RBFOX1: variants seen among roughly 807,000 people sequenced by gnomAD.
The protein encoded by RBFOX1 is RNA binding fox-1 homolog 1.
Under a neutral mutation model 57.7 loss-of-function variants are expected in RBFOX1, and 8 were observed. The observed-to-expected ratio is 0.14, with a 90% CI of 0.08 to 0.25. The LOEUF is 0.25. Among genes scored for constraint, RBFOX1 ranks in the 10% least tolerant of loss-of-function variants. The pLI is 1.00. For synonymous variants in RBFOX1, 326 were observed against 222.4 expected (o/e 1.47, Z -4.15); for missense variants, 611 against 548.5 (o/e 1.11, Z -1.14).
chr16:7,589,491 C>G (rs915938292), intron 7 of RBFOX1, among the ~76,000 whole-genome samples: 2 of 151,758 alleles, frequency 1.3e-5, no homozygotes, highest in African/African-American at 2.4e-5. Context: ...CTTTGTGAAG[C>G]TGCCTTTTTT....
At chr16:6,523,842 C>G (rs1035594028) in intron 2 of RBFOX1, among the ~76,000 whole-genome samples, 2 of 152,162 alleles carry the variant, frequency 1.3e-5, no homozygotes, top group East Asian at 1.9e-4. Flanking sequence ...AAAAAATGTG[C>G]CTTGCTACCA....
chr16:6,270,285 T>C (rs934172633), intron 1 of RBFOX1, among the ~76,000 whole-genome samples: 2 of 151,990 alleles, frequency 1.3e-5, no homozygotes, highest in African/African-American at 2.4e-5. Flanking sequence ...TGTAAGAGAT[T>C]GTTAGAGTGG....
At chr16:6,128,335 A>G (rs1045450413) in intron 1 of RBFOX1, among the ~76,000 whole-genome samples, 1 of 152,194 alleles carries the variant, frequency 6.6e-6, no homozygotes, top group African/African-American at 2.4e-5. Flanking sequence ...TATTACTCTA[A>G]GAAGACTTCT....
chr16:6,645,510 C>A (rs1381992279), intron 2 of RBFOX1, among the ~76,000 whole-genome samples: 1 of 152,014 alleles, frequency 6.6e-6, no homozygotes, highest in Non-Finnish European at 1.5e-5. Flanking sequence ...CATGAATAAC[C>A]CTGACCTACA....
intron 3 of RBFOX1, among the ~76,000 whole-genome samples, chr16:6,914,093 G>C (rs536496316): frequency 6.6e-6 from 1 of 152,148 alleles, no homozygotes; most frequent in Non-Finnish European, 1.5e-5. Context: ...AATCTATCCA[G>C]TGCTAAAACA....
chr16:7,133,872 C>CA (rs1385342496), intron 4 of RBFOX1, among the ~76,000 whole-genome samples: 1 of 151,992 alleles, frequency 6.6e-6, no homozygotes, highest in Non-Finnish European at 1.5e-5. Context: ...ATGGCTAATC[C>CA]AAAAAATATA....
rs1480962032 is a variant in RBFOX1, at chr16:7,040,075, C to T, written c.-15-11982C>T. Among the ~76,000 whole-genome samples the T allele has an allele frequency of 2.6e-5, 4 of 151,744 alleles. No individual in the cohort carries two copies. In the East Asian group the frequency reaches 7.7e-4, roughly 29 times the overall value. ...CTTGCTCTGTCACCAGGTTGGAGTG[C>T]AGTGACATGATCTCAGCTCACTGCA... is the stretch of plus-strand genomic sequence containing the variant. On this transcript the variant is annotated intron_variant, in intron 3 of 15. Transcript: ENST00000550418.
intron 1 of RBFOX1, among the ~76,000 whole-genome samples, chr16:5,414,091 T>A (rs2067095855): frequency 6.6e-6 from 1 of 152,132 alleles, no homozygotes; most frequent in Admixed American, 6.5e-5. Flanking sequence ...CAACACTCAA[T>A]GATGAGATAA....
At chr16:5,873,185 C>T (rs1346117378) in intron 4 of RBFOX1, among the ~76,000 whole-genome samples, 2 of 152,006 alleles carry the variant, frequency 1.3e-5, no homozygotes, top group Non-Finnish European at 2.9e-5. Flanking sequence ...ACAACAACAA[C>T]AACAAAACAA....
chr16:6,153,738 G>T (rs757692900), intron 1 of RBFOX1, among the ~76,000 whole-genome samples: 5 of 152,110 alleles, frequency 3.3e-5, no homozygotes, highest in Non-Finnish European at 4.4e-5. Flanking sequence ...GTTTCACCAT[G>T]TTGGCCAGGC....
At chr16:7,040,241 G>A (rs963796387) in intron 3 of RBFOX1, among the ~76,000 whole-genome samples, 7 of 151,680 alleles carry the variant, frequency 4.6e-5, no homozygotes, top group African/African-American at 1.5e-4. Context: ...GGATGGTCTC[G>A]ATCTCTTGAC....
At chr16:7,185,544 A>G (rs989705277) in intron 4 of RBFOX1, among the ~76,000 whole-genome samples, 8 of 152,226 alleles carry the variant, frequency 5.3e-5, no homozygotes, top group African/African-American at 1.9e-4. Flanking sequence ...GGACACACAC[A>G]TTCTTGGCCA....
At chr16:6,575,399 G>A (rs1374090686) in intron 2 of RBFOX1, among the ~76,000 whole-genome samples, 1 of 152,088 alleles carries the variant, frequency 6.6e-6, no homozygotes, top group Non-Finnish European at 1.5e-5. Context: ...GCAAAATGAC[G>A]TGTAACAGAA....
rs541119002 is a variant in RBFOX1, at chr16:5,699,915, G to A, written c.318+100954G>A. Among the ~76,000 whole-genome samples the A allele has an allele frequency of 1.1e-3, 161 of 152,246 alleles. 1 individual carries two copies. The Middle Eastern group carries it at 0.017, about 16-fold the overall frequency. ...GTGGTGCGATCTCGGCTCACTGCAA[G>A]TTCTGCCTCCCGGGTTCACGCCATT... On this transcript the variant is annotated intron_variant, in intron 3 of 19. Coordinates refer to the RBFOX1 transcript ENST00000641259.
chr16:7,201,673 A>G (rs1269742982), intron 4 of RBFOX1, among the ~76,000 whole-genome samples: 1 of 152,038 alleles, frequency 6.6e-6, no homozygotes, highest in African/African-American at 2.4e-5. Flanking sequence ...CTTGTTGGCT[A>G]GGCTGGTCTT....
At chr16:5,796,341 A>G (rs1278778888) in intron 3 of RBFOX1, among the ~76,000 whole-genome samples, 1 of 152,214 alleles carries the variant, frequency 6.6e-6, no homozygotes, top group African/African-American at 2.4e-5. Flanking sequence ...GGCCACGAGC[A>G]AGGAATCAGG....
At chr16:5,519,430 T>G (rs956100176) in intron 2 of RBFOX1, among the ~76,000 whole-genome samples, 4 of 152,124 alleles carry the variant, frequency 2.6e-5, no homozygotes, top group Non-Finnish European at 5.9e-5. Flanking sequence ...CTTAATTTGT[T>G]AAAATAGGCT....
intron 4 of RBFOX1, among the ~76,000 whole-genome samples, chr16:7,390,373 C>A (rs560016017): frequency 1.3e-5 from 2 of 152,262 alleles, no homozygotes; most frequent in East Asian, 3.9e-4. Context: ...GAGAGACACC[C>A]AAACTCATGT....
At chr16:6,129,508 C>G (rs2096614184) in intron 1 of RBFOX1, among the ~76,000 whole-genome samples, 1 of 151,932 alleles carries the variant, frequency 6.6e-6, no homozygotes. Context: ...GTAAAATAAA[C>G]AGAGTCAGAG....
Sources: gnomAD v4.1 joint callset for allele counts (sites outside exome capture counted in the v4.1 genomes callset) on GRCh38, gnomAD v4.1.1 for gene constraint, MANE v1.5 for transcripts, NCBI Gene and HGNC (gene_info 2026-07-23, HGNC 2026-07-21) for gene names.